NOM1: variants seen among roughly 807,000 people sequenced by gnomAD.
The protein encoded by NOM1 is nucleolar MIF4G domain-containing protein 1.
NOM1 carries 58 observed loss-of-function variants against 73.3 expected under a neutral mutation model. That is an observed-to-expected ratio of 0.79 (90% CI 0.64 to 0.99). The LOEUF is 0.99. Ranked by LOEUF, NOM1 falls within the 50% of genes least tolerant of loss-of-function variation. NOM1 has a pLI of 0.00. For missense variants in NOM1, 1,226 were observed against 1,131.9 expected, an observed-to-expected ratio of 1.08 and a Z score of -1.19; for synonymous variants, 487 against 446.8, an observed-to-expected ratio of 1.09 and a Z score of -1.14.
In NOM1 at chr7:156,954,158, G is replaced by A. The variant is rs757961293; in HGVS notation, c.1168G>A (p.Ala390Thr). Residue 390 changes from alanine (A) to threonine (T), a missense_variant, in exon 3 of 11, where the codon GCC becomes ACC. By Grantham distance (58) the Ala-to-Thr change is moderately conservative. Coordinates refer to ENST00000275820, the MANE Select transcript of NOM1 (RefSeq NM_138400.2). Reference protein sequence around the residue: ...ISGQLEELYMAHSRKDMNDTL... With the variant: ...ISGQLEELYMTHSRKDMNDTL... The stretch of plus-strand genomic sequence containing the variant: ...TGGGCAGCTGGAGGAACTGTACATG[G>A]CCCACAGCAGAAAGGACATGAATGA... 1.1e-5 allele frequency: 18 copies of A among 1,613,388 alleles called. No homozygotes were observed. Among genetic ancestry groups the A allele is most frequent in the Non-Finnish European group, 1.4e-5 (16 of 1,179,794 alleles).
rs183491447 is a variant in NOM1, at chr7:156,970,849, G to C, written c.*1146G>C. On this transcript the variant is annotated 3_prime_UTR_variant, in exon 11 of 11. Coordinates refer to ENST00000275820, the MANE Select transcript of NOM1 (RefSeq NM_138400.2). ...ATCATTCATGTAACATTCTCACACAGTTGAGGATATTCATCTCCTCACCAA... is the reference window on the plus strand; with the variant it reads ...ATCATTCATGTAACATTCTCACACACTTGAGGATATTCATCTCCTCACCAA... 1 of 152,318 alleles carries C rather than the reference G, an allele frequency of 6.6e-6. No homozygotes were observed. Among genetic ancestry groups the C allele is most frequent in the Admixed American group, 6.5e-5 (1 of 15,302 alleles). 9.4% of individuals were successfully genotyped at this position (152,318 alleles called of 1,614,324 possible). A position where few individuals can be genotyped will look rare whatever the true frequency, so the allele number is the denominator to read the frequency against.
rs1804884318 is a variant in NOM1 at position 156,962,260 on chromosome 7, T to C, written c.1742T>C (p.Leu581Ser). 3 of 1,612,072 alleles carry C rather than the reference T, an allele frequency of 1.9e-6. No homozygotes were observed. Among genetic ancestry groups the C allele is most frequent in the East Asian group, 4.5e-5 (2 of 44,864 alleles). Residue 581 changes from leucine to serine, a missense_variant and splice_region_variant, in exon 5 of 11, where the codon TTG becomes TCG. By Grantham distance (145) the Leu-to-Ser change is moderately radical (BLOSUM62 -2). Coordinates refer to ENST00000275820, the MANE Select transcript of NOM1 (RefSeq NM_138400.2). ...VEKLRKLQRA[L>S]VRNAGSGSET... ...AAGCTGAGGAAACTGCAGAGAGCTT[T>C]GGTGAGTCAAGGAACTTTCAATTCT...
At chr7:156,963,479 C>T (rs1804919447) in intron 6 of NOM1, 1 of 474,628 alleles carries the variant, frequency 2.1e-6, no homozygotes, top group African/African-American at 2.0e-5. Context: ...TCAGGCTGCC[C>T]CCCGGGCTGT....
In NOM1 at chr7:156,966,359, CT is replaced by C; in HGVS notation, c.2126del (p.Phe709SerfsTer15). 6.2e-7 allele frequency: 1 copy of C among 1,614,218 alleles called. No homozygotes were observed. The highest frequency in any genetic ancestry group is 8.5e-7 in the Non-Finnish European group (1 of 1,180,028). ...GAGAAAACTTACAATCCCTTCTATG[CT>C]TTCCTGGCTAGCAAATTCTGTGAAT... ...LQEKTYNPFY[A>X]FLASKFCEYE... On this transcript the variant is annotated frameshift_variant, in exon 8 of 11. Coordinates refer to ENST00000275820, the MANE Select transcript of NOM1 (RefSeq NM_138400.2). LOFTEE classifies it high-confidence loss of function.
At chr7:156,961,416 G>A (rs1056023171) in intron 4 of NOM1, among the ~76,000 whole-genome samples, 9 of 152,098 alleles carry the variant, frequency 5.9e-5, no homozygotes, top group East Asian at 3.9e-4. Flanking sequence ...TGGGAGCAGC[G>A]GGCTCAATGG....
Position 156,950,437 on chromosome 7 carries a change from A to G in NOM1, c.700A>G (p.Ser234Gly). The change falls in exon 1 of 11, where the codon AGC (serine) becomes GGC (glycine). Residue 234 changes from serine (S) to glycine (G), a missense_variant. Physicochemically the swap from Ser to Gly is moderately conservative, Grantham distance 56 (BLOSUM62 0). Transcript: ENST00000275820. The part of the protein sequence containing the change: ...ESGKNSGLYD[S>G]SGEEEEDAGQ... ...TGGGAAAAATAGCGGCTTGTACGAC[A>G]GCAGTGGTGAGGAGGAGGAAGATGC... The G allele has an allele frequency of 6.2e-7, 1 of 1,614,148 alleles. No homozygotes were observed. The highest frequency in any genetic ancestry group is 8.5e-7 in the Non-Finnish European group (1 of 1,180,016).
Position 156,950,510 on chromosome 7 carries a change from A to G in NOM1, c.773A>G (p.Glu258Gly), listed in dbSNP as rs1331744395. The stretch of plus-strand genomic sequence containing the variant: ...GACTTAGAGAGTGACTCCCAGGACG[A>G]AAGTGAGGAGGAGGAGGAGGGAGAC... ...ESDLESDSQDESEEEEEGDVE... is the reference protein window; with the variant it reads ...ESDLESDSQDGSEEEEEGDVE... Residue 258 changes from glutamate (E) to glycine (G), a missense_variant, in exon 1 of 11, where the codon GAA (glutamate) becomes GGA (glycine). Coordinates refer to ENST00000275820, the MANE Select transcript of NOM1 (RefSeq NM_138400.2). The G allele has an allele frequency of 3.7e-6, 6 of 1,614,108 alleles. No homozygotes were observed. The highest frequency in any genetic ancestry group is 5.1e-6 in the Non-Finnish European group (6 of 1,180,002).
At position 156,949,819 on chromosome 7, in the gene NOM1, CGCGGGCCGCG is replaced by C; in HGVS notation, c.83_92del (p.Arg28ProfsTer12). On this transcript the variant is annotated frameshift_variant, in exon 1 of 11. Transcript: ENST00000275820. LOFTEE classifies it high-confidence loss of function. ...GGTCCGCATGAAGCGCAGAGGCGGG[CGCGGGCCGCG>C]CCGCGGTCCTGCTGGCGGTGGGGAG... The C allele has an allele frequency of 6.9e-7, 1 of 1,445,596 alleles. No homozygotes were observed. The highest frequency in any genetic ancestry group is 9.1e-7 in the Non-Finnish European group (1 of 1,102,260). 89.5% of individuals were successfully genotyped at this position (1,445,596 alleles called of 1,614,324 possible). A position where few individuals can be genotyped will look rare whatever the true frequency, so the allele number is the denominator to read the frequency against.
chr7:156,949,903 A>C lies in NOM1; in HGVS notation c.166A>C (p.Thr56Pro). 1 of 1,540,388 alleles carries C rather than the reference A, an allele frequency of 6.5e-7. No individual in the cohort carries two copies. The highest frequency in any genetic ancestry group is 8.7e-7 in the Non-Finnish European group (1 of 1,143,816). ...AGCGGTGGAGGAGTTCGTGCACGCGACTTCGGAAGGCGAGGCTCCCGGGGG... is the reference window on the plus strand; with the variant it reads ...AGCGGTGGAGGAGTTCGTGCACGCGCCTTCGGAAGGCGAGGCTCCCGGGGG... ...KLAVEEFVHA[T>P]SEGEAPGGCE... The change falls in exon 1 of 11, where the codon ACT becomes CCT. Residue 56 changes from threonine (T) to proline (P), a missense_variant. Transcript: ENST00000275820.
chr7:156,969,566 G>A lies in NOM1; in HGVS notation c.2446G>A (p.Gly816Ser). 1.2e-6 allele frequency: 2 copies of A among 1,613,948 alleles called. No homozygotes were observed. Among genetic ancestry groups the A allele is most frequent in the Non-Finnish European group, 1.7e-6 (2 of 1,179,920 alleles). Residue 816 changes from glycine (G) to serine (S), a missense_variant, in exon 11 of 11, where the codon GGT becomes AGT. By Grantham distance (56) the Gly-to-Ser change is moderately conservative (BLOSUM62 0). Coordinates refer to ENST00000275820, the MANE Select transcript of NOM1 (RefSeq NM_138400.2). ...CCCAAAGCTGGGGGTGTTACGTGAG[G>A]GTTTGAAGCTTTTCATCAGCCACTT... Reference protein sequence around the residue: ...DNPKLGVLREGLKLFISHFLL... With the variant: ...DNPKLGVLRESLKLFISHFLL...
chr7:156,968,928 A>G (rs1327425247), intron 9 of NOM1, 159 bp from the exon 10 acceptor site: 1 of 581,482 alleles, frequency 1.7e-6, no homozygotes, highest in Non-Finnish European at 3.1e-6. Context: ...ATCCTTGCCA[A>G]CAGGTGTTCA....
chr7:156,969,671 T>C lies in NOM1; in HGVS notation c.2551T>C (p.Cys851Arg). 6.2e-7 allele frequency: 1 copy of C among 1,611,958 alleles called. No homozygotes were observed. Among genetic ancestry groups the C allele is most frequent in the Middle Eastern group, 1.7e-4 (1 of 6,022 alleles). The change falls in exon 11 of 11, where the codon TGT becomes CGT. Residue 851 changes from cysteine (C) to arginine (R), a missense_variant. Transcript: ENST00000275820. ...LREKADLATKCLQGKASLRM is the reference protein window; with the variant it reads ...LREKADLATKRLQGKASLRM ...AGAGAAAGCTGACCTTGCAACGAAG[T>C]GTCTGCAAGGAAAAGCTTCCCTGAG...
chr7:156,957,461 A>T lies in NOM1; in HGVS notation c.1309-2390A>T, dbSNP rs1804750287. On this transcript the variant is annotated intron_variant, in intron 3 of 10. Coordinates refer to ENST00000275820, the MANE Select transcript of NOM1 (RefSeq NM_138400.2). ...AACTTCAGATTTAGAATTTTGAGAA[A>T]TTTTGATGTAATATACATAATTGAA... Among the ~76,000 whole-genome samples, 3 of 152,322 alleles carry T rather than the reference A, an allele frequency of 2.0e-5. No individual in the cohort carries two copies. The South Asian group carries it at 6.2e-4, about 32-fold the overall frequency.
intron 6 of NOM1, chr7:156,963,414 G>T: frequency 1.8e-6 from 1 of 559,408 alleles, no homozygotes; most frequent in Non-Finnish European, 3.2e-6. Context: ...CACGGGGCAG[G>T]GGAGCGCATG....
At position 156,972,672 on chromosome 7, in the gene NOM1, A is replaced by G. The variant is rs1015445914; in HGVS notation, c.*2969A>G. 20 of 152,274 alleles carry G rather than the reference A, an allele frequency of 1.3e-4. No homozygotes were observed. The highest frequency in any genetic ancestry group is 4.8e-4 in the African/African-American group (20 of 41,454). The allele number at this position is 152,274 out of a possible 1,614,324, so 9.4% of individuals were successfully genotyped here. A position where few individuals can be genotyped will look rare whatever the true frequency, so the allele number is the denominator to read the frequency against. On this transcript the variant is annotated 3_prime_UTR_variant, in exon 11 of 11. Transcript: ENST00000275820. ...TGGCAAAACCCCGTCTCTATGAAAAATATAAAAATTAGCTGGGCATGGTGG... is the reference window on the plus strand; with the variant it reads ...TGGCAAAACCCCGTCTCTATGAAAAGTATAAAAATTAGCTGGGCATGGTGG...
At chr7:156,952,679 A>C (rs1428923082) in intron 2 of NOM1, 81 bp downstream of exon 2, 2 of 1,453,434 alleles carry the variant, frequency 1.4e-6, no homozygotes, top group Non-Finnish European at 1.9e-6. Flanking sequence ...CCAGCAATTC[A>C]AATAGAAGTG....
At position 156,952,572 on chromosome 7, in the gene NOM1, G is replaced by GA; in HGVS notation, c.1089dup (p.His364ThrfsTer7). The GA allele has an allele frequency of 6.2e-7, 1 of 1,614,062 alleles. No homozygotes were observed. Among genetic ancestry groups the GA allele is most frequent in the South Asian group, 1.1e-5 (1 of 91,066 alleles). On this transcript the variant is annotated frameshift_variant, in exon 2 of 11. Transcript: ENST00000275820. LOFTEE classifies it high-confidence loss of function. The stretch of plus-strand genomic sequence containing the variant: ...AAAAGGAAGAACTAGAAAGGCTGAA[G>GA]AAACATGTAAAAGGTCTACTTAACA...
In NOM1 at chr7:156,962,076, A is replaced by G. The variant is rs145229693; in HGVS notation, c.1633-75A>G. 8.1e-3 allele frequency: 9,942 copies of G among 1,234,594 alleles called. 88 individuals carry two copies. The highest frequency in any genetic ancestry group is 0.019 in the South Asian group (1,589 of 82,294). 76.5% of individuals were successfully genotyped at this position (1,234,594 alleles called of 1,614,324 possible). A position where few individuals can be genotyped will look rare whatever the true frequency, so the allele number is the denominator to read the frequency against. The stretch of plus-strand genomic sequence containing the variant: ...CGGCCATGTGCATCAGGTGTGGTAG[A>G]TTTCTTGCCAACTTGAATGGGCCGT... On this transcript the variant is annotated intron_variant, in intron 4 of 10. Coordinates refer to ENST00000275820, the MANE Select transcript of NOM1 (RefSeq NM_138400.2).
At chr7:156,965,041 C>T (rs542815221) in intron 7 of NOM1, among the ~76,000 whole-genome samples, 168 of 152,322 alleles carry the variant, frequency 1.1e-3, no homozygotes, top group Non-Finnish European at 1.9e-3. Context: ...TGAGTCTAAG[C>T]TTTTAATCAA....
Sources: allele counts gnomAD v4.1 joint callset (sites outside exome capture counted in the v4.1 genomes callset), GRCh38; gene constraint gnomAD v4.1.1; transcripts MANE v1.5; gene names NCBI Gene and HGNC (gene_info 2026-07-23, HGNC 2026-07-21).